Variants in RUBCNL observed in about 807,000 individuals in gnomAD.
The protein encoded by RUBCNL is protein associated with UVRAG as autophagy enhancer.
RUBCNL carries 62 observed loss-of-function variants against 69.5 expected under a neutral mutation model. The observed-to-expected ratio is 0.89, with a 90% CI of 0.73 to 1.10. RUBCNL has a LOEUF of 1.10. Among genes scored for constraint, RUBCNL ranks in the 50% least tolerant of loss-of-function variants. RUBCNL has a pLI of 0.00. For missense variants in RUBCNL, 768 were observed against 798.1 expected (o/e 0.96, Z 0.45); for synonymous variants, 291 against 303.6 (o/e 0.96, Z 0.43).
chr13:46,372,378 A>G lies in RUBCNL; in HGVS notation c.98T>C (p.Leu33Pro), dbSNP rs1484809055. 6.2e-7 allele frequency: 1 copy of G among 1,614,006 alleles called. No individual in the cohort carries two copies. The highest frequency in any genetic ancestry group is 8.5e-7 in the Non-Finnish European group (1 of 1,179,882). Residue 33 changes from leucine to proline, a missense_variant, in exon 3 of 15, where the codon CTG (leucine) becomes CCG (proline). Leu to Pro is a moderately conservative substitution (Grantham distance 98). Coordinates refer to ENST00000429979, the MANE Select transcript of RUBCNL (RefSeq NM_025113.5). Reference sequence around the variant, plus strand: ...TTGGCAAGGAGGATGGTCAGTGTTCAGGAGTCTGGGCGAACCATCAATAAT... The same window carrying G: ...TTGGCAAGGAGGATGGTCAGTGTTCGGGAGTCTGGGCGAACCATCAATAAT... The part of the protein sequence containing the change: ...SGIIDGSPRL[L>P]NTDHPPCQLD...
In RUBCNL at chr13:46,382,232, C is replaced by T. The variant is rs539991028; in HGVS notation, c.-238-4227G>A. Among the ~76,000 whole-genome samples the T allele has an allele frequency of 7.9e-5, 12 of 152,246 alleles. No individual in the cohort carries two copies. The South Asian group carries it at 2.5e-3, about 32-fold the overall frequency. On this transcript the variant is annotated intron_variant, in intron 1 of 14. Transcript: ENST00000429979. ...CAAAAAGATCTAGAACTAAAGGGAG[C>T]TGTATTTCATGGGCTACAGGGATCA...
At chr13:46,355,538 T>C (rs908258334) in intron 10 of RUBCNL, among the ~76,000 whole-genome samples, 5 of 152,130 alleles carry the variant, frequency 3.3e-5, no homozygotes, top group Non-Finnish European at 7.4e-5. Context: ...CCTCAGGTGA[T>C]CCACCCACCT....
In RUBCNL at chr13:46,338,273, T is replaced by C. The variant is rs548359734; in HGVS notation, c.*5112A>G. ...CAGGACCCGAGAAAGCAGGTTTGAA[T>C]TTTGAAATCTTTGACTCCTCACTGC... On this transcript the variant is annotated 3_prime_UTR_variant, in exon 15 of 15. Transcript: ENST00000429979. 2.6e-5 allele frequency among the ~76,000 whole-genome samples: 4 copies of C among 152,328 alleles called. No homozygotes were observed. In the East Asian group the frequency reaches 7.7e-4, roughly 29 times the overall value.
At chr13:46,357,802 G>C (rs1351296866) in intron 9 of RUBCNL, among the ~76,000 whole-genome samples, 1 of 152,008 alleles carries the variant, frequency 6.6e-6, no homozygotes, top group African/African-American at 2.4e-5. Flanking sequence ...GCTAATTTTT[G>C]TATTTTTAGT....
chr13:46,386,797 G>C (rs1313638209), intron 1 of RUBCNL, among the ~76,000 whole-genome samples: 1 of 152,168 alleles, frequency 6.6e-6, no homozygotes, highest in Non-Finnish European at 1.5e-5. Context: ...GCAGGGCGCA[G>C]GCTTTGTAGT....
intron 5 of RUBCNL, among the ~76,000 whole-genome samples, chr13:46,366,797 C>A (rs1329042070): frequency 6.6e-6 from 1 of 152,138 alleles, no homozygotes; most frequent in East Asian, 1.9e-4. Flanking sequence ...AGGTTAACTA[C>A]ACCCACCTTT....
chr13:46,349,253 G>C, intron 12 of RUBCNL, 33 bp downstream of exon 12: 11 of 1,600,894 alleles, frequency 6.9e-6, no homozygotes, highest in Non-Finnish European at 9.4e-6. Flanking sequence ...GATGTATGGA[G>C]GGAAGGCAGC....
intron 1 of RUBCNL, among the ~76,000 whole-genome samples, chr13:46,386,577 T>C (rs949811302): frequency 3.2e-4 from 41 of 128,944 alleles, no homozygotes; most frequent in Middle Eastern, 3.8e-3. Context: ...CGCCTGACCG[T>C]GTCCGGCGTG....
At chr13:46,379,853 T>G (rs2049081356) in intron 1 of RUBCNL, among the ~76,000 whole-genome samples, 1 of 152,226 alleles carries the variant, frequency 6.6e-6, no homozygotes, top group African/African-American at 2.4e-5. Flanking sequence ...CTCTTCATGC[T>G]TTGACGTTAG....
chr13:46,343,590 G>A (rs1408155735), intron 14 of RUBCNL, 93 bp from the exon 15 acceptor site: 2 of 1,304,584 alleles, frequency 1.5e-6, no homozygotes, highest in Admixed American at 4.6e-5. Flanking sequence ...AGGGAGAGGG[G>A]TCTGAATCCA....
chr13:46,387,672 C>T (rs946215045), upstream of RUBCNL: 2 of 985,672 alleles, frequency 2.0e-6, no homozygotes, highest in African/African-American at 1.7e-5. Context: ...CGACCTGCAA[C>T]TTACCCGGAA....
At chr13:46,358,019 G>C (rs536627907) in intron 9 of RUBCNL, among the ~76,000 whole-genome samples, 31 of 152,278 alleles carry the variant, frequency 2.0e-4, no homozygotes, top group Non-Finnish European at 3.8e-4. Context: ...TTACAGTTCA[G>C]GATCAGCAAA....
At chr13:46,387,286 G>A, upstream of RUBCNL, 1 of 985,424 alleles carries the variant, frequency 1.0e-6, no homozygotes. Context: ...GGACAGCGAC[G>A]CCCCGACGCC....
rs754832908 is a variant in RUBCNL at position 46,343,320 on chromosome 13, A to C, written c.*65T>G. On this transcript the variant is annotated 3_prime_UTR_variant, in exon 15 of 15. Coordinates refer to ENST00000429979, the MANE Select transcript of RUBCNL (RefSeq NM_025113.5). ...CAATATCTAAAACAATGTCACCAATAATAGACACAAATCGGTGTTATCATA... is the reference window on the plus strand; with the variant it reads ...CAATATCTAAAACAATGTCACCAATCATAGACACAAATCGGTGTTATCATA... The C allele has an allele frequency of 3.2e-6, 5 of 1,572,338 alleles. No homozygotes were observed. The highest frequency in any genetic ancestry group is 3.5e-6 in the Non-Finnish European group (4 of 1,155,876).
At chr13:46,367,709 AGTTCC>A (rs2048788723) in intron 5 of RUBCNL, among the ~76,000 whole-genome samples, 1 of 152,174 alleles carries the variant, frequency 6.6e-6, no homozygotes, top group African/African-American at 2.4e-5. Flanking sequence ...TTCAATGAAA[AGTTCC>A]AGAAATGAAC....
At chr13:46,388,199 C>CAAAAAAAAAAAAAA (rs71074779), upstream of RUBCNL, among the ~76,000 whole-genome samples, 1 of 68,202 alleles carries the variant, frequency 1.5e-5, no homozygotes, top group African/African-American at 6.6e-5. Context: ...GCAAGACTGT[C>CAAAAAAAAAAAAAA]AAAAAAAAAA....
chr13:46,368,730 C>T lies in RUBCNL; in HGVS notation c.618+3G>A, dbSNP rs2048814000. On this transcript the variant is annotated splice_donor_region_variant and intron_variant, in intron 4 of 14. Coordinates refer to ENST00000429979, the MANE Select transcript of RUBCNL (RefSeq NM_025113.5). ...GGTTAAAAAGAAAGAAGATAGCATT[C>T]ACCTTTTCTACATCAACAGGCAGCA... is the stretch of plus-strand genomic sequence containing the variant. 2 of 1,609,710 alleles carry T rather than the reference C, an allele frequency of 1.2e-6. No homozygotes were observed. Among genetic ancestry groups the T allele is most frequent in the South Asian group, 2.2e-5 (2 of 90,494 alleles).
chr13:46,343,571 A>C, intron 14 of RUBCNL, 74 bp from the exon 15 acceptor site: 3 of 1,455,920 alleles, frequency 2.1e-6, no homozygotes, highest in Non-Finnish European at 2.8e-6. Context: ...ATTCGTCTCC[A>C]TCCTAGGGAG....
At chr13:46,371,814 G>A in intron 3 of RUBCNL, 127 bp downstream of exon 3, 1 of 936,258 alleles carries the variant, frequency 1.1e-6, no homozygotes, top group Non-Finnish European at 1.6e-6. Context: ...CCAGATGGCT[G>A]GGCTGCTGAC....
Sources: gnomAD v4.1 joint callset for allele counts (sites outside exome capture counted in the v4.1 genomes callset) on GRCh38, gnomAD v4.1.1 for gene constraint, MANE v1.5 for transcripts, NCBI Gene and HGNC (gene_info 2026-07-23, HGNC 2026-07-21) for gene names.